Variants in COG5 observed in about 807,000 individuals in gnomAD.
The protein encoded by COG5 is conserved oligomeric Golgi complex subunit 5.
A neutral mutation model predicts 110.4 loss-of-function variants in COG5; 86 were observed. The observed-to-expected ratio is 0.78, with a 90% CI of 0.65 to 0.93. The LOEUF (loss-of-function observed/expected upper bound fraction) is 0.93, where lower values mean the gene tolerates loss of function less well. Among genes scored for constraint, COG5 ranks in the 40% least tolerant of loss-of-function variants. The pLI is 0.00. For synonymous variants in COG5, 360 were observed against 334.6 expected (o/e 1.08, Z -0.83); for missense variants, 1,077 against 987.0 (o/e 1.09, Z -1.22).
At chr7:107,435,968 AG>A (rs1794339555) in intron 6 of COG5, among the ~76,000 whole-genome samples, 5 of 152,250 alleles carry the variant, frequency 3.3e-5, no homozygotes, top group Admixed American at 3.3e-4. Context: ...GCCATAAAAA[AG>A]AATGAAATCA....
At chr7:107,463,372 A>G (rs754620129) in intron 6 of COG5, among the ~76,000 whole-genome samples, 24 of 152,174 alleles carry the variant, frequency 1.6e-4, no homozygotes, top group Non-Finnish European at 3.4e-4. Context: ...GGAGCCTTTA[A>G]CCAAAGTTGT....
In COG5 at chr7:107,563,759, GCAGACCCCCAACCCCACGACCTGGT is replaced by G. The variant is rs1276570618; in HGVS notation, c.94+19_94+43del. On this transcript the variant is annotated intron_variant, in intron 1 of 21. Coordinates refer to ENST00000297135, the MANE Select transcript of COG5 (RefSeq NM_006348.5). The stretch of plus-strand genomic sequence containing the variant: ...CCTCGCTGTCCAGGTGCGGAGCAGC[GCAGACCCCCAACCCCACGACCTGGT>G]CAGACCCCGTCTCCTTACCGTCCTG... The G allele has an allele frequency of 6.2e-7, 1 of 1,605,070 alleles. No homozygotes were observed. Among genetic ancestry groups the G allele is most frequent in the African/African-American group, 1.3e-5 (1 of 74,766 alleles).
chr7:107,324,608 G>A, intron 10 of COG5, 87 bp from the exon 11 acceptor site: 1 of 674,032 alleles, frequency 1.5e-6, no homozygotes, highest in Non-Finnish European at 2.5e-6. Context: ...ACCTTGAAAA[G>A]TTATTTAAAA....
intron 6 of COG5, among the ~76,000 whole-genome samples, chr7:107,413,950 A>C (rs1277902138): frequency 1.3e-5 from 2 of 152,224 alleles, no homozygotes; most frequent in Non-Finnish European, 2.9e-5. Flanking sequence ...AGTAACCGGT[A>C]AAACAGAATT....
intron 6 of COG5, among the ~76,000 whole-genome samples, chr7:107,506,860 G>C (rs1799053655): frequency 6.6e-6 from 1 of 152,144 alleles, no homozygotes; most frequent in Non-Finnish European, 1.5e-5. Flanking sequence ...CCTCATTCGA[G>C]GTTATCATGA....
intron 19 of COG5, among the ~76,000 whole-genome samples, chr7:107,219,235 G>T (rs1418221889): frequency 6.6e-6 from 1 of 152,122 alleles, no homozygotes; most frequent in Admixed American, 6.6e-5. Flanking sequence ...GTACACTGTT[G>T]GTGGGAATGT....
intron 6 of COG5, among the ~76,000 whole-genome samples, chr7:107,435,179 A>C (rs1379872519): frequency 6.6e-6 from 1 of 152,130 alleles, no homozygotes; most frequent in East Asian, 1.9e-4. Flanking sequence ...GCTGTTAAAT[A>C]GGTATAGAAT....
At chr7:107,368,554 T>C (rs1211030069) in intron 8 of COG5, among the ~76,000 whole-genome samples, 1 of 152,138 alleles carries the variant, frequency 6.6e-6, no homozygotes, top group Non-Finnish European at 1.5e-5. Flanking sequence ...GCTACATGTT[T>C]ATGTTTTTCT....
rs531616346 is a variant in COG5, at chr7:107,316,478, A to G, written c.1108+7962T>C. 5.9e-5 allele frequency among the ~76,000 whole-genome samples: 9 copies of G among 152,182 alleles called. No individual in the cohort carries two copies. The South Asian group carries it at 6.2e-4, about 11-fold the overall frequency. ...ATTGTCCTAATGACCCAGGAGATAAAGGAAGACATGTGGAGAATACTGAAG... is the reference window on the plus strand; with the variant it reads ...ATTGTCCTAATGACCCAGGAGATAAGGGAAGACATGTGGAGAATACTGAAG... On this transcript the variant is annotated intron_variant, in intron 11 of 21. Transcript: ENST00000297135.
intron 6 of COG5, among the ~76,000 whole-genome samples, chr7:107,454,681 A>G (rs962977322): frequency 6.6e-6 from 1 of 152,142 alleles, no homozygotes; most frequent in Admixed American, 6.5e-5. Context: ...AACATAAACC[A>G]TAACACCAAT....
chr7:107,301,133 A>T (rs1183197801), intron 11 of COG5, among the ~76,000 whole-genome samples: 2 of 152,218 alleles, frequency 1.3e-5, no homozygotes, highest in African/African-American at 4.8e-5. Flanking sequence ...TCTGTACCTT[A>T]TACAAAAATT....
At chr7:107,407,972 T>C (rs1261302316) in intron 7 of COG5, among the ~76,000 whole-genome samples, 1 of 152,172 alleles carries the variant, frequency 6.6e-6, no homozygotes, top group Non-Finnish European at 1.5e-5. Context: ...CATGACTAGA[T>C]ATGCCTTATA....
chr7:107,361,071 T>C (rs1813073140), intron 10 of COG5, among the ~76,000 whole-genome samples: 1 of 152,226 alleles, frequency 6.6e-6, no homozygotes, highest in Non-Finnish European at 1.5e-5. Context: ...TTTAATATTG[T>C]GGACTTACAA....
chr7:107,264,935 C>T (rs1803679485), intron 14 of COG5, among the ~76,000 whole-genome samples: 1 of 151,666 alleles, frequency 6.6e-6, no homozygotes, highest in South Asian at 2.1e-4. Flanking sequence ...CAGCAGTTTG[C>T]TTTCACAAAA....
chr7:107,311,354 TATCG>T (rs1808233536), intron 11 of COG5, among the ~76,000 whole-genome samples: 1 of 148,954 alleles, frequency 6.7e-6, no homozygotes, highest in South Asian at 2.1e-4. Context: ...TTATAAGTGA[TATCG>T]AGCGTATTTA....
intron 10 of COG5, among the ~76,000 whole-genome samples, chr7:107,346,855 C>T (rs1027454425): frequency 7.2e-5 from 11 of 152,066 alleles, no homozygotes; most frequent in Non-Finnish European, 1.5e-4. Context: ...CTCCCCACTC[C>T]CCCTACCCCA....
chr7:107,536,842 A>T (rs1297240167), intron 5 of COG5, among the ~76,000 whole-genome samples: 5 of 152,240 alleles, frequency 3.3e-5, no homozygotes, highest in Non-Finnish European at 5.9e-5. Context: ...TAGAGGCATC[A>T]CACTGCCTGA....
chr7:107,365,561 G>A (rs1813526969), intron 8 of COG5, among the ~76,000 whole-genome samples: 1 of 129,232 alleles, frequency 7.7e-6, no homozygotes. Context: ...CTACAGATTA[G>A]GACAGGCCAG....
chr7:107,412,716 A>T, intron 6 of COG5, 84 bp from the exon 7 acceptor site: 1 of 857,644 alleles, frequency 1.2e-6, no homozygotes, highest in Non-Finnish European at 1.8e-6. Flanking sequence ...ACTTCTCAAA[A>T]AAAAAAAACA....
Sources: gnomAD v4.1 joint callset for allele counts (sites outside exome capture counted in the v4.1 genomes callset) on GRCh38, gnomAD v4.1.1 for gene constraint, MANE v1.5 for transcripts, NCBI Gene and HGNC (gene_info 2026-07-23, HGNC 2026-07-21) for gene names.